PAWR: variants seen among roughly 807,000 people sequenced by gnomAD.
PAWR encodes the protein pro-apoptotic WT1 regulator.
A neutral mutation model predicts 32.0 loss-of-function variants in PAWR; 23 were observed. The observed-to-expected ratio is 0.72, with a 90% CI of 0.52 to 1.02. PAWR has a LOEUF of 1.02. PAWR is among the 50% of genes least tolerant of loss of function. The pLI is 0.00. For missense variants in PAWR, 457 were observed against 437.7 expected, an observed-to-expected ratio of 1.04 and a Z score of -0.39; for synonymous variants, 226 against 187.1, an observed-to-expected ratio of 1.21 and a Z score of -1.70.
At chr12:79,615,506 A>G (rs990829471) in intron 3 of PAWR, among the ~76,000 whole-genome samples, 4 of 152,186 alleles carry the variant, frequency 2.6e-5, no homozygotes, top group Admixed American at 2.0e-4. Context: ...GACAGGTGAT[A>G]CAAAGACATT....
At chr12:79,682,800 T>G (rs1030583394) in intron 2 of PAWR, among the ~76,000 whole-genome samples, 2 of 152,230 alleles carry the variant, frequency 1.3e-5, no homozygotes, top group African/African-American at 4.8e-5. Flanking sequence ...GACTCAGCAG[T>G]TAACCAAATA....
At chr12:79,653,016 A>G (rs922641412) in intron 2 of PAWR, among the ~76,000 whole-genome samples, 1 of 152,160 alleles carries the variant, frequency 6.6e-6, no homozygotes, top group Admixed American at 6.5e-5. Flanking sequence ...ACTGTAAGAA[A>G]TTCTGTTTTT....
intron 2 of PAWR, among the ~76,000 whole-genome samples, chr12:79,637,852 T>G (rs947175697): frequency 2.0e-5 from 3 of 152,184 alleles, no homozygotes; most frequent in African/African-American, 7.2e-5. Flanking sequence ...CTTAACCAAC[T>G]ATTATCACTG....
intron 2 of PAWR, among the ~76,000 whole-genome samples, chr12:79,662,252 T>C (rs553217165): frequency 6.7e-6 from 1 of 148,990 alleles, no homozygotes; most frequent in South Asian, 2.1e-4. Context: ...GATCCAGAAC[T>C]TTCAGGACAG....
At chr12:79,685,255 C>CT (rs1470196956) in intron 2 of PAWR, among the ~76,000 whole-genome samples, 11 of 152,206 alleles carry the variant, frequency 7.2e-5, no homozygotes, top group African/African-American at 2.7e-4. Flanking sequence ...TACACTATAT[C>CT]TACCCCATTC....
chr12:79,646,718 G>A (rs984487936), intron 2 of PAWR, among the ~76,000 whole-genome samples: 13 of 151,978 alleles, frequency 8.6e-5, no homozygotes, highest in African/African-American at 2.9e-4. Context: ...TGCCTGAAGC[G>A]GTAAATAGAT....
chr12:79,689,845 G>T lies in PAWR; in HGVS notation c.400C>A (p.Pro134Thr), dbSNP rs750189723. 2 of 1,587,356 alleles carry T rather than the reference G, an allele frequency of 1.3e-6. No homozygotes were observed. Among genetic ancestry groups the T allele is most frequent in the Non-Finnish European group, 1.7e-6 (2 of 1,168,078 alleles). ...GGGCCCGAGCTCTTGCCCTTCTCTG[G>T]GACGCCGTCCGGCTCCTCCTCGTCA... ...QRDEEEPDGV[P>T]EKGKSSGPSA... Residue 134 changes from proline (P) to threonine (T), a missense_variant, in exon 2 of 7, where the codon CCA (proline) becomes ACA (threonine). Coordinates refer to ENST00000328827, the MANE Select transcript of PAWR (RefSeq NM_002583.4).
chr12:79,627,682 C>T (rs932325714), intron 2 of PAWR, among the ~76,000 whole-genome samples: 2 of 152,004 alleles, frequency 1.3e-5, no homozygotes, highest in Non-Finnish European at 2.9e-5. Context: ...ATGTCCTGAA[C>T]GGTATTGCCT....
chr12:79,593,273 T>A (rs1873623294), intron 6 of PAWR, among the ~76,000 whole-genome samples: 1 of 152,168 alleles, frequency 6.6e-6, no homozygotes, highest in South Asian at 2.1e-4. Flanking sequence ...CAGCTCCAGA[T>A]CAATTTGTAT....
At chr12:79,652,987 AAAAT>A (rs1268012822) in intron 2 of PAWR, among the ~76,000 whole-genome samples, 56 of 152,350 alleles carry the variant, frequency 3.7e-4, no homozygotes, top group African/African-American at 1.3e-3. Context: ...TTGAGTTAAA[AAAAT>A]AAATTAATAT....
chr12:79,652,282 G>A (rs1222713871), intron 2 of PAWR, among the ~76,000 whole-genome samples: 1 of 152,046 alleles, frequency 6.6e-6, no homozygotes, highest in Admixed American at 6.5e-5. Flanking sequence ...TAATAAAAAA[G>A]GAAAGAAAAG....
At chr12:79,664,346 AT>A (rs778398132) in intron 2 of PAWR, among the ~76,000 whole-genome samples, 8 of 152,270 alleles carry the variant, frequency 5.3e-5, no homozygotes, top group South Asian at 4.1e-4. Flanking sequence ...ATTAAAAAAA[AT>A]ATATAGTAAA....
At chr12:79,650,467 C>T (rs907352598) in intron 2 of PAWR, among the ~76,000 whole-genome samples, 25 of 152,238 alleles carry the variant, frequency 1.6e-4, no homozygotes, top group African/African-American at 5.8e-4. Flanking sequence ...GATTCATATT[C>T]CATATAAACA....
At chr12:79,653,065 CAG>C (rs1328918573) in intron 2 of PAWR, among the ~76,000 whole-genome samples, 1 of 152,026 alleles carries the variant, frequency 6.6e-6, no homozygotes, top group Non-Finnish European at 1.5e-5. Flanking sequence ...TTTTTTGAGA[CAG>C]AGTCTCGCTG....
intron 2 of PAWR, chr12:79,632,131 T>C (rs1407445083): frequency 5.3e-5 from 4 of 75,828 alleles, no homozygotes; most frequent in Admixed American, 1.5e-4. Flanking sequence ...AGACTCTGTC[T>C]CAAAAAAAAA....
At chr12:79,623,078 G>A (rs1330542162) in intron 2 of PAWR, among the ~76,000 whole-genome samples, 5 of 152,136 alleles carry the variant, frequency 3.3e-5, no homozygotes, top group African/African-American at 7.2e-5. Flanking sequence ...TAGCAATGCA[G>A]AGAACAGGAA....
At chr12:79,621,542 G>A (rs531398741) in intron 2 of PAWR, among the ~76,000 whole-genome samples, 1 of 152,006 alleles carries the variant, frequency 6.6e-6, no homozygotes, top group African/African-American at 2.4e-5. Context: ...TCTGCAGAAG[G>A]TAACAAAGGA....
chr12:79,658,909 C>A (rs934006772), intron 2 of PAWR, among the ~76,000 whole-genome samples: 2 of 151,806 alleles, frequency 1.3e-5, no homozygotes, highest in African/African-American at 4.8e-5. Flanking sequence ...GATCCACCCA[C>A]CTCAGCCTCT....
In PAWR at chr12:79,639,881, T is replaced by TATTCCTATTCCTATTCCTATTCCCATTCC; in HGVS notation, c.517-18675_517-18674insGGAATGGGAATAGGAATAGGAATAGGAAT. Among the ~76,000 whole-genome samples the TATTCCTATTCCTATTCCTATTCCCATTCC allele has an allele frequency of 1.8e-4, 20 of 112,542 alleles. 2 individuals are homozygous for TATTCCTATTCCTATTCCTATTCCCATTCC. The highest frequency in any genetic ancestry group is 9.1e-4 in the African/African-American group (18 of 19,790). 73.8% of individuals were successfully genotyped at this position (112,542 alleles called of 152,430 possible). A position where few individuals can be genotyped will look rare whatever the true frequency, so the allele number is the denominator to read the frequency against. ...CTATTCCTATTCCTATTCCTATTCC[T>TATTCCTATTCCTATTCCTATTCCCATTCC]ATTCCATTCCATTCCATTCCATTCC... On this transcript the variant is annotated intron_variant, in intron 2 of 6. Coordinates refer to ENST00000328827, the MANE Select transcript of PAWR (RefSeq NM_002583.4).
Sources: gnomAD v4.1 joint callset for allele counts (sites outside exome capture counted in the v4.1 genomes callset) on GRCh38, gnomAD v4.1.1 for gene constraint, MANE v1.5 for transcripts, NCBI Gene and HGNC (gene_info 2026-07-23, HGNC 2026-07-21) for gene names.